PHLPP1: variants seen among roughly 807,000 people sequenced by gnomAD.
The protein encoded by PHLPP1 is PH domain leucine-rich repeat-containing protein phosphatase 1.
In PHLPP1, 42 loss-of-function variants were observed where a neutral mutation model predicts 117.2. That is an observed-to-expected ratio of 0.36 (90% CI 0.28 to 0.46). The LOEUF is 0.46. PHLPP1 is among the 20% of genes least tolerant of loss of function. The probability of loss-of-function intolerance (pLI) is 1.00; values close to 1 mark genes in which losing one functional copy is unlikely to be tolerated. For missense variants in PHLPP1, 2,084 were observed against 2,241.9 expected (o/e 0.93, Z 1.42); for synonymous variants, 1,042 against 970.7 (o/e 1.07, Z -1.37).
At chr18:62,922,732 A>G (rs966584422) in intron 10 of PHLPP1, among the ~76,000 whole-genome samples, 3 of 152,226 alleles carry the variant, frequency 2.0e-5, no homozygotes, top group East Asian at 1.9e-4. Context: ...AGAATTTCCA[A>G]TAGATAATAA....
chr18:62,962,795 T>C (rs1375350596), intron 13 of PHLPP1, among the ~76,000 whole-genome samples: 3 of 146,510 alleles, frequency 2.0e-5, no homozygotes, highest in Non-Finnish European at 4.5e-5. Context: ...CATATATGTT[T>C]TATTTTATGA....
At chr18:62,787,385 C>T (rs1257111499) in intron 1 of PHLPP1, among the ~76,000 whole-genome samples, 1 of 152,094 alleles carries the variant, frequency 6.6e-6, no homozygotes, top group African/African-American at 2.4e-5. Flanking sequence ...CCAGGCTGGT[C>T]TCGAACTTCT....
intron 1 of PHLPP1, among the ~76,000 whole-genome samples, chr18:62,788,072 A>T (rs775076329): frequency 2.0e-5 from 3 of 152,244 alleles, no homozygotes; most frequent in African/African-American, 7.2e-5. Flanking sequence ...GATTTTTTCA[A>T]TAATACATCA....
At chr18:62,863,327 A>G (rs1599089661) in intron 4 of PHLPP1, among the ~76,000 whole-genome samples, 1 of 151,944 alleles carries the variant, frequency 6.6e-6, no homozygotes, top group African/African-American at 2.4e-5. Flanking sequence ...CAGCCTCCCA[A>G]ATAGCTGGGA....
At chr18:62,864,129 C>G (rs904623539) in intron 4 of PHLPP1, among the ~76,000 whole-genome samples, 1 of 152,210 alleles carries the variant, frequency 6.6e-6, no homozygotes, top group African/African-American at 2.4e-5. Context: ...TCAAGCAATT[C>G]TCCTGCCTCA....
chr18:62,905,920 A>G (rs536034890), intron 8 of PHLPP1, among the ~76,000 whole-genome samples: 37 of 152,346 alleles, frequency 2.4e-4, no homozygotes, highest in African/African-American at 8.9e-4. Flanking sequence ...TTGAAGGCAC[A>G]AAGGCTTGAC....
intron 1 of PHLPP1, among the ~76,000 whole-genome samples, chr18:62,721,968 T>C (rs933939811): frequency 3.9e-5 from 6 of 152,220 alleles, no homozygotes; most frequent in African/African-American, 1.4e-4. Flanking sequence ...CTTGGCATTT[T>C]AGTTTAACAT....
intron 2 of PHLPP1, among the ~76,000 whole-genome samples, chr18:62,836,776 A>T (rs1398411070): frequency 6.6e-6 from 1 of 151,324 alleles, no homozygotes; most frequent in South Asian, 2.1e-4. Context: ...TTAAATGGCT[A>T]TATAGGGGCC....
intron 1 of PHLPP1, among the ~76,000 whole-genome samples, chr18:62,824,001 G>A (rs796564120): frequency 1.9e-4 from 29 of 152,048 alleles, no homozygotes; most frequent in African/African-American, 6.8e-4. Context: ...GCGTGGTGGC[G>A]GTTGCCTGTA....
chr18:62,967,948 C>T (rs1037437039), intron 14 of PHLPP1, among the ~76,000 whole-genome samples: 8 of 151,882 alleles, frequency 5.3e-5, no homozygotes, highest in East Asian at 1.9e-4. Flanking sequence ...CTCAGCCTCC[C>T]GAGTAGCTAG....
At chr18:62,817,417 A>T (rs1327970645) in intron 1 of PHLPP1, among the ~76,000 whole-genome samples, 26 of 152,258 alleles carry the variant, frequency 1.7e-4, no homozygotes, top group Non-Finnish European at 1.8e-4. Flanking sequence ...ATATGTGTAT[A>T]TGTAGGTAAA....
intron 3 of PHLPP1, among the ~76,000 whole-genome samples, chr18:62,851,795 T>A (rs753234542): frequency 9.2e-5 from 14 of 152,152 alleles, no homozygotes; most frequent in Non-Finnish European, 1.9e-4. Flanking sequence ...ATAGCCTGTC[T>A]GGATTTTCCT....
chr18:62,790,507 G>A (rs1913425893), intron 1 of PHLPP1, among the ~76,000 whole-genome samples: 1 of 152,110 alleles, frequency 6.6e-6, no homozygotes, highest in Admixed American at 6.5e-5. Context: ...AAAACATATT[G>A]CCAAAAGAAT....
rs193202697 is a variant in PHLPP1 at position 62,802,949 on chromosome 18, A to T, written c.1577-27086A>T. Among the ~76,000 whole-genome samples, 16 of 152,348 alleles carry T rather than the reference A, an allele frequency of 1.1e-4. No individual in the cohort carries two copies. In the East Asian group the frequency reaches 1.9e-3, roughly 18 times the overall value. Reference sequence around the variant, plus strand: ...GGAACGGCATGTTGGAACCAGGGAGAAGCTCAGTGAGGGTTGAATAAAGGT... The same window carrying T: ...GGAACGGCATGTTGGAACCAGGGAGTAGCTCAGTGAGGGTTGAATAAAGGT... On this transcript the variant is annotated intron_variant, in intron 1 of 16. Transcript: ENST00000262719.
At chr18:62,977,391 A>G (rs1911219540) in intron 16 of PHLPP1, among the ~76,000 whole-genome samples, 1 of 149,590 alleles carries the variant, frequency 6.7e-6, no homozygotes, top group Admixed American at 6.8e-5. Flanking sequence ...GAGAATCTCA[A>G]AATTTGAAGA....
At chr18:62,958,273 G>A (rs1910675528) in intron 12 of PHLPP1, among the ~76,000 whole-genome samples, 1 of 152,160 alleles carries the variant, frequency 6.6e-6, no homozygotes, top group Non-Finnish European at 1.5e-5. Flanking sequence ...TCATTTTAAT[G>A]TTTGAGCTAT....
At chr18:62,766,070 A>AT (rs1833151779) in intron 1 of PHLPP1, among the ~76,000 whole-genome samples, 1 of 21,540 alleles carries the variant, frequency 4.6e-5, no homozygotes, top group East Asian at 3.9e-3. Context: ...CAAAAAAAAA[A>AT]AAAAAAATAT....
At chr18:62,747,216 T>TTTCATTTTA (rs1911702401) in intron 1 of PHLPP1, among the ~76,000 whole-genome samples, 2 of 152,014 alleles carry the variant, frequency 1.3e-5, no homozygotes, top group African/African-American at 2.4e-5. Context: ...AGGAGTTCTC[T>TTTCATTTTA]TTCATTTTAT....
intron 1 of PHLPP1, among the ~76,000 whole-genome samples, chr18:62,789,564 G>C (rs973143436): frequency 4.6e-5 from 7 of 152,084 alleles, no homozygotes; most frequent in African/African-American, 1.7e-4. Flanking sequence ...GCAGTAGGGG[G>C]TGGGGACTGA....
Sources: allele counts gnomAD v4.1 joint callset (sites outside exome capture counted in the v4.1 genomes callset), GRCh38; gene constraint gnomAD v4.1.1; transcripts MANE v1.5; gene names NCBI Gene and HGNC (gene_info 2026-07-23, HGNC 2026-07-21).